NEGR1: variants seen among roughly 807,000 people sequenced by gnomAD.
NEGR1 encodes the protein IgLON family member 4.
A neutral mutation model predicts 40.9 loss-of-function variants in NEGR1; 10 were observed. That is an observed-to-expected ratio of 0.24 (90% confidence interval 0.15 to 0.42). The LOEUF (loss-of-function observed/expected upper bound fraction) is 0.42, where lower values mean the gene tolerates loss of function less well. NEGR1 is among the 10% of genes least tolerant of loss of function. The pLI is 1.00. For missense variants in NEGR1, 352 were observed against 438.9 expected (o/e 0.80, Z 1.77); for synonymous variants, 185 against 166.8 (o/e 1.11, Z -0.84).
intron 1 of NEGR1, among the ~76,000 whole-genome samples, chr1:71,975,861 A>G (rs1646298279): frequency 6.6e-6 from 1 of 152,312 alleles, no homozygotes; most frequent in East Asian, 1.9e-4. Flanking sequence ...CATTTTTACC[A>G]TATAGTCAAA....
At chr1:72,216,967 T>G (rs1247026628) in intron 1 of NEGR1, among the ~76,000 whole-genome samples, 3 of 151,436 alleles carry the variant, frequency 2.0e-5, no homozygotes, top group African/African-American at 7.3e-5. Context: ...AATATTTATA[T>G]TTACAATTGA....
chr1:72,279,329 C>T (rs1043967780), intron 1 of NEGR1, among the ~76,000 whole-genome samples: 4 of 152,120 alleles, frequency 2.6e-5, no homozygotes, highest in African/African-American at 9.6e-5. Context: ...GACCTTTAAA[C>T]TTCTGTTTTA....
intron 2 of NEGR1, among the ~76,000 whole-genome samples, chr1:71,799,332 A>T (rs566249927): frequency 6.6e-6 from 1 of 152,244 alleles, no homozygotes; most frequent in East Asian, 1.9e-4. Context: ...GCTGAGAATG[A>T]TGGTTTCCAG....
chr1:71,493,245 A>T (rs1464726737), intron 6 of NEGR1, among the ~76,000 whole-genome samples: 1 of 152,058 alleles, frequency 6.6e-6, no homozygotes, highest in Non-Finnish European at 1.5e-5. Context: ...TACTTCAAAG[A>T]CCCACCGAAT....
At chr1:71,529,129 T>G (rs1647284966) in intron 6 of NEGR1, among the ~76,000 whole-genome samples, 1 of 151,244 alleles carries the variant, frequency 6.6e-6, no homozygotes, top group Non-Finnish European at 1.5e-5. Context: ...AAAGATTATT[T>G]CTAGGGACAA....
chr1:72,211,192 T>C (rs940775490), intron 1 of NEGR1, among the ~76,000 whole-genome samples: 5 of 151,900 alleles, frequency 3.3e-5, no homozygotes, highest in Middle Eastern at 3.4e-3. Context: ...CCTTCCAATA[T>C]ATTTGTTGGG....
intron 3 of NEGR1, among the ~76,000 whole-genome samples, chr1:71,721,352 G>A (rs541552106): frequency 2.6e-5 from 4 of 152,160 alleles, no homozygotes; most frequent in Non-Finnish European, 5.9e-5. Flanking sequence ...TGGAAGATGT[G>A]GTTGGCATTC....
At chr1:71,753,009 TAA>T (rs1655620756) in intron 3 of NEGR1, among the ~76,000 whole-genome samples, 1 of 152,184 alleles carries the variant, frequency 6.6e-6, no homozygotes, top group African/African-American at 2.4e-5. Flanking sequence ...TAGTAATGGT[TAA>T]TAGCTTCGGC....
intron 1 of NEGR1, among the ~76,000 whole-genome samples, chr1:71,982,000 A>AT (rs1278834120): frequency 2.6e-5 from 4 of 152,060 alleles, no homozygotes; most frequent in Admixed American, 1.3e-4. Flanking sequence ...CTTGTTTGGC[A>AT]TTTTTTTGTT....
chr1:71,471,650 A>AC (rs1409145089), intron 6 of NEGR1, among the ~76,000 whole-genome samples: 8 of 74,896 alleles, frequency 1.1e-4, no homozygotes, highest in African/African-American at 3.9e-4. Flanking sequence ...AAACAAAACA[A>AC]AACAACAACA....
intron 2 of NEGR1, among the ~76,000 whole-genome samples, chr1:71,818,866 T>C (rs934534545): frequency 4.6e-5 from 7 of 151,972 alleles, no homozygotes; most frequent in Non-Finnish European, 5.9e-5. Flanking sequence ...AAACAAAAAA[T>C]GTTTTGTTTT....
At chr1:72,174,781 C>T (rs1540617) in intron 1 of NEGR1, among the ~76,000 whole-genome samples, 12,408 of 151,918 alleles carry the variant, frequency 0.082, 1,689 homozygotes, top group African/African-American at 0.28. Flanking sequence ...AAAAAATTTT[C>T]GGCTTTATGC....
At chr1:72,003,692 G>A (rs1190191227) in intron 1 of NEGR1, among the ~76,000 whole-genome samples, 6 of 151,992 alleles carry the variant, frequency 3.9e-5, no homozygotes, top group African/African-American at 1.4e-4. Flanking sequence ...AAATAAGCAT[G>A]GCATAAAAAC....
chr1:72,050,369 T>C (rs1443718527), intron 1 of NEGR1, among the ~76,000 whole-genome samples: 1 of 151,504 alleles, frequency 6.6e-6, no homozygotes, highest in Non-Finnish European at 1.5e-5. Flanking sequence ...AATTATAAAA[T>C]TGTGTAACCT....
At chr1:72,119,138 CAT>C (rs1199181973) in intron 1 of NEGR1, among the ~76,000 whole-genome samples, 2 of 151,946 alleles carry the variant, frequency 1.3e-5, no homozygotes, top group Non-Finnish European at 2.9e-5. Context: ...TTTACAGTAA[CAT>C]TTCTTGCATT....
At chr1:72,005,926 C>A (rs575497302) in intron 1 of NEGR1, among the ~76,000 whole-genome samples, 133 of 152,122 alleles carry the variant, frequency 8.7e-4, no homozygotes, top group Admixed American at 2.4e-3. Flanking sequence ...TTTCATCTGG[C>A]CAACCTTTTC....
chr1:71,575,282 C>T (rs138912215), intron 6 of NEGR1, among the ~76,000 whole-genome samples: 2,266 of 152,296 alleles, frequency 0.015, 79 homozygotes, highest in Admixed American at 0.065. Flanking sequence ...AGCTACAAAG[C>T]ATCAACCTTG....
At chr1:71,496,707 G>T (rs1433948141) in intron 6 of NEGR1, among the ~76,000 whole-genome samples, 1 of 152,028 alleles carries the variant, frequency 6.6e-6, no homozygotes, top group African/African-American at 2.4e-5. Context: ...CAGGATGTTT[G>T]ATTATCTCTT....
chr1:71,672,511 A>C (rs1246964927), intron 4 of NEGR1, among the ~76,000 whole-genome samples: 1 of 152,200 alleles, frequency 6.6e-6, no homozygotes, highest in Non-Finnish European at 1.5e-5. Context: ...TCCTTAATAA[A>C]TATTTGTTAA....
Sources: allele counts gnomAD v4.1 joint callset (sites outside exome capture counted in the v4.1 genomes callset), GRCh38; gene constraint gnomAD v4.1.1; transcripts MANE v1.5; gene names NCBI Gene and HGNC (gene_info 2026-07-23, HGNC 2026-07-21).